The following ZNF507 variants were observed in gnomAD, a reference collection of about 807,000 sequenced individuals.
ZNF507 encodes the protein zinc finger protein 507.
In ZNF507, 29 loss-of-function variants were observed where a neutral mutation model predicts 80.0. The observed-to-expected ratio is 0.36, with a 90% CI of 0.27 to 0.49. The LOEUF (loss-of-function observed/expected upper bound fraction) is 0.49. ZNF507 is among the 20% of genes least tolerant of loss of function. The pLI is 0.98. For synonymous variants in ZNF507, 462 were observed against 422.5 expected (o/e 1.09, Z -1.15); for missense variants, 1,081 against 1,152.2 (o/e 0.94, Z 0.90).
chr19:32,369,345 CT>C (rs1250276593), intron 5 of ZNF507, among the ~76,000 whole-genome samples: 1 of 152,168 alleles, frequency 6.6e-6, no homozygotes, highest in African/African-American at 2.4e-5. Flanking sequence ...ATGACTTTGC[CT>C]TGGTAGACTT....
intron 2 of ZNF507, among the ~76,000 whole-genome samples, chr19:32,350,673 A>C (rs1967151300): frequency 6.6e-6 from 1 of 152,170 alleles, no homozygotes; most frequent in Non-Finnish European, 1.5e-5. Flanking sequence ...AAGTCTCTTG[A>C]GCAAACATTC....
intron 2 of ZNF507, among the ~76,000 whole-genome samples, chr19:32,348,801 A>G (rs910553783): frequency 5.9e-5 from 9 of 152,092 alleles, no homozygotes; most frequent in East Asian, 3.9e-4. Context: ...GAACTTTCCT[A>G]TTCAGCCATA....
At chr19:32,368,233 A>G (rs1967425263) in intron 5 of ZNF507, among the ~76,000 whole-genome samples, 1 of 152,198 alleles carries the variant, frequency 6.6e-6, no homozygotes, top group South Asian at 2.1e-4. Flanking sequence ...GAATTTGGAA[A>G]GGACGCAGTA....
intron 5 of ZNF507, among the ~76,000 whole-genome samples, chr19:32,366,007 C>T (rs938548534): frequency 1.3e-5 from 2 of 152,098 alleles, no homozygotes; most frequent in South Asian, 2.1e-4. Flanking sequence ...TATTATTACG[C>T]CTTTTCTTCC....
At position 32,387,205 on chromosome 19, in the gene ZNF507, C is replaced by G. The variant is rs570611272; in HGVS notation, c.*4122C>G. 6 of 152,188 alleles carry G rather than the reference C, an allele frequency of 3.9e-5. No individual in the cohort carries two copies. The highest frequency in any genetic ancestry group is 8.8e-5 in the Non-Finnish European group (6 of 68,024). 9.4% of individuals were successfully genotyped at this position (152,188 alleles called of 1,614,324 possible). A position where few individuals can be genotyped will look rare whatever the true frequency, so the allele number is the denominator to read the frequency against. The stretch of plus-strand genomic sequence containing the variant: ...GTTCTGCTATTGACGAAGGAATTAG[C>G]ATTCCTTAGTGAAGGCCAAAAACTA... On this transcript the variant is annotated 3_prime_UTR_variant, in exon 7 of 7. Transcript: ENST00000355898.
chr19:32,356,505 T>C (rs972389719), intron 3 of ZNF507, 111 bp from the exon 4 acceptor site: 8 of 681,306 alleles, frequency 1.2e-5, no homozygotes, highest in Middle Eastern at 2.8e-4. Context: ...TTTTAAAATA[T>C]GGTAATTCGT....
chr19:32,362,541 A>G (rs1054945091), intron 5 of ZNF507, among the ~76,000 whole-genome samples: 5 of 152,236 alleles, frequency 3.3e-5, no homozygotes, highest in South Asian at 2.1e-4. Flanking sequence ...ATAAGCAAGT[A>G]AACCCTCAAA....
At position 32,354,428 on chromosome 19, in the gene ZNF507, T is replaced by C; in HGVS notation, c.1598T>C (p.Val533Ala). The C allele has an allele frequency of 6.2e-7, 1 of 1,614,046 alleles. No homozygotes were observed. The highest frequency in any genetic ancestry group is 8.5e-7 in the Non-Finnish European group (1 of 1,180,010). The change falls in exon 3 of 7, where the codon GTA (valine) becomes GCA (alanine). Residue 533 changes from valine (V) to alanine (A), a missense_variant. Around this residue, in one of 6 missense-constraint regions of ZNF507, gnomAD observed 614 missense variants for 583.9 expected, o/e 1.05. Transcript: ENST00000355898. ...LLDPDTSQRQVDSTLAAYSKM... is the reference protein window; with the variant it reads ...LLDPDTSQRQADSTLAAYSKM... ...GATCCAGATACTAGTCAAAGGCAAG[T>C]AGATAGTACATTGGCAGCGTACTCA...
At chr19:32,349,232 T>G (rs1359743842) in intron 2 of ZNF507, among the ~76,000 whole-genome samples, 2 of 152,220 alleles carry the variant, frequency 1.3e-5, no homozygotes, top group African/African-American at 4.8e-5. Flanking sequence ...TCTGTCATGG[T>G]TCTTCATTGG....
At chr19:32,351,577 T>G (rs1967169888) in intron 2 of ZNF507, among the ~76,000 whole-genome samples, 1 of 143,818 alleles carries the variant, frequency 7.0e-6, no homozygotes, top group Non-Finnish European at 1.5e-5. Context: ...TGGCAGGGGC[T>G]GAAGGGCCCT....
At chr19:32,378,649 TTAAAA>T (rs1421489127) in intron 5 of ZNF507, among the ~76,000 whole-genome samples, 1 of 122,442 alleles carries the variant, frequency 8.2e-6, no homozygotes, top group East Asian at 2.0e-4. Context: ...CTTTTTTTTT[TTAAAA>T]AAAAAAGGGA....
At chr19:32,346,041 C>T (rs1247098117) in intron 1 of ZNF507, among the ~76,000 whole-genome samples, 1 of 152,238 alleles carries the variant, frequency 6.6e-6, no homozygotes, top group Admixed American at 6.5e-5. Context: ...CCCGGCCCGC[C>T]CGCAGGCGTT....
rs746727597 is a variant in ZNF507 at position 32,353,048 on chromosome 19, C to T, written c.218C>T (p.Ser73Leu). The T allele has an allele frequency of 6.2e-6, 10 of 1,614,060 alleles. No homozygotes were observed. The highest frequency in any genetic ancestry group is 8.5e-6 in the Non-Finnish European group (10 of 1,179,964). The change falls in exon 3 of 7, where the codon TCA (serine) becomes TTA (leucine). Residue 73 changes from serine to leucine, a missense_variant. This residue lies in a region of ZNF507 where 275 missense variants were observed against 303.9 expected (regional missense o/e 0.90). Transcript: ENST00000355898. ...CLLIGKKRPRSSAATHSLETQ... is the reference protein window; with the variant it reads ...CLLIGKKRPRLSAATHSLETQ... Reference sequence around the variant, plus strand: ...TTAATTGGGAAGAAACGCCCACGTTCAAGTGCTGCAACACACTCTCTTGAA... The same window carrying T: ...TTAATTGGGAAGAAACGCCCACGTTTAAGTGCTGCAACACACTCTCTTGAA...
chr19:32,361,033 TTATC>T (rs1408895477), intron 5 of ZNF507, among the ~76,000 whole-genome samples: 2 of 152,222 alleles, frequency 1.3e-5, no homozygotes. Flanking sequence ...GAAATTGTCT[TTATC>T]TGTCAATTTT....
Position 32,353,766 on chromosome 19 carries a change from T to C in ZNF507, c.936T>C (p.Ser312=). 6.2e-7 allele frequency: 1 copy of C among 1,614,036 alleles called. No individual in the cohort carries two copies. The highest frequency in any genetic ancestry group is 8.5e-7 in the Non-Finnish European group (1 of 1,180,006). Residue 312 remains serine (S), a synonymous_variant, in exon 3 of 7, where the codon AGT becomes AGC. Coordinates refer to ENST00000355898, the MANE Select transcript of ZNF507 (RefSeq NM_001136156.2). The stretch of plus-strand genomic sequence containing the variant: ...CAGTCGTCATTGCTATTGGAGAGAG[T>C]GAACTGAGTATCCACAATGGGCCAT... ...VDAVVIAIGE[S]ELSIHNGPSV... is the part of the protein sequence containing the mutation.
rs1040762861 is a variant in ZNF507 at position 32,385,171 on chromosome 19, T to G, written c.*2088T>G. 6.6e-6 allele frequency: 1 copy of G among 152,188 alleles called. No individual in the cohort carries two copies. The highest frequency in any genetic ancestry group is 2.4e-5 in the African/African-American group (1 of 41,442). The allele number at this position is 152,188 out of a possible 1,614,324, so 9.4% of individuals were successfully genotyped here. ...AATAATGAAAAGCATCCCCAAAATT[T>G]CAATGATGTGAATTTTTAAATTACC... On this transcript the variant is annotated 3_prime_UTR_variant, in exon 7 of 7. Coordinates refer to ENST00000355898, the MANE Select transcript of ZNF507 (RefSeq NM_001136156.2).
rs1967223868 is a variant in ZNF507, at chr19:32,354,633, C to T, written c.1803C>T (p.Asn601=). The change falls in exon 3 of 7, where the codon AAC becomes AAT. Residue 601 remains asparagine (N), a synonymous_variant. Transcript: ENST00000355898. The part of the protein sequence containing the change: ...IEKLRERTDQ[N]ASDDDILKEL... ...AATTGAGAGAAAGGACAGACCAAAA[C>T]GCTTCAGACGATGACATTTTGAAAG... 1.9e-5 allele frequency: 31 copies of T among 1,614,148 alleles called. No homozygotes were observed. The highest frequency in any genetic ancestry group is 2.5e-5 in the Non-Finnish European group (29 of 1,180,040).
chr19:32,353,094 T>A lies in ZNF507; in HGVS notation c.264T>A (p.Ile88=). ...TTGAAACCCAAGAACTTTGTGAGAT[T>A]CCGGCTAAAGTAATCCAGTCACCTG... ...HSLETQELCE[I]PAKVIQSPAA... Residue 88 remains isoleucine, a synonymous_variant, in exon 3 of 7, where the codon ATT becomes ATA. Coordinates refer to ENST00000355898, the MANE Select transcript of ZNF507 (RefSeq NM_001136156.2). The A allele has an allele frequency of 6.2e-7, 1 of 1,614,214 alleles. No homozygotes were observed. The highest frequency in any genetic ancestry group is 1.1e-5 in the South Asian group (1 of 91,088).
intron 5 of ZNF507, among the ~76,000 whole-genome samples, chr19:32,365,540 T>C (rs1439560198): frequency 6.6e-6 from 1 of 152,178 alleles, no homozygotes; most frequent in African/African-American, 2.4e-5. Context: ...CTGACATTTA[T>C]AACATTGGCC....
Sources: gnomAD v4.1 joint callset for allele counts (sites outside exome capture counted in the v4.1 genomes callset) on GRCh38, gnomAD v4.1.1 for gene constraint, gnomAD v4.1.1 regional missense constraint, MANE v1.5 for transcripts, NCBI Gene and HGNC (gene_info 2026-07-23, HGNC 2026-07-21) for gene names.